LYST: variants seen among roughly 807,000 people sequenced by gnomAD.
The protein encoded by LYST is lysosomal trafficking regulator.
Under a neutral mutation model 413.6 loss-of-function variants are expected in LYST, and 192 were observed. The observed-to-expected ratio is 0.46, with a 90% confidence interval of 0.41 to 0.52. LYST has a LOEUF of 0.52. LYST is among the 20% of genes least tolerant of loss of function. The pLI is 0.00. For synonymous variants in LYST, 1,525 were observed against 1,567.3 expected (o/e 0.97, Z 0.64); for missense variants, 3,815 against 4,499.9 (o/e 0.85, Z 4.35).
At chr1:235,763,923 C>A (rs1002044620) in intron 21 of LYST, among the ~76,000 whole-genome samples, 1 of 152,298 alleles carries the variant, frequency 6.6e-6, no homozygotes, top group Middle Eastern at 3.4e-3. Context: ...CGCTCTCTCT[C>A]GAATGTCAAC....
intron 1 of LYST, among the ~76,000 whole-genome samples, chr1:235,882,401 T>G (rs563569518): frequency 7.2e-4 from 109 of 152,328 alleles, no homozygotes; most frequent in African/African-American, 2.6e-3. Context: ...AGCTTTGGAC[T>G]TTATTCCATA....
At chr1:235,716,095 T>C (rs927772208) in intron 41 of LYST, among the ~76,000 whole-genome samples, 3 of 152,158 alleles carry the variant, frequency 2.0e-5, no homozygotes, top group Non-Finnish European at 4.4e-5. Flanking sequence ...AGTCATAAGA[T>C]GCTTAGAGGG....
intron 1 of LYST, among the ~76,000 whole-genome samples, chr1:235,850,328 G>A (rs915478347): frequency 6.6e-6 from 1 of 152,118 alleles, no homozygotes; most frequent in African/African-American, 2.4e-5. Flanking sequence ...GCCGCATGTA[G>A]GAGAATGAAA....
intron 36 of LYST, among the ~76,000 whole-genome samples, chr1:235,730,360 C>T (rs1238382120): frequency 2.0e-5 from 3 of 151,800 alleles, no homozygotes; most frequent in African/African-American, 7.3e-5. Flanking sequence ...AGGTAACTTG[C>T]CTAAGATTAA....
In LYST at chr1:235,837,213, A is replaced by G. The variant is rs113523686; in HGVS notation, c.-97-3546T>C. 9.6e-3 allele frequency among the ~76,000 whole-genome samples: 1,460 copies of G among 152,334 alleles called. 36 individuals carry two copies. Among genetic ancestry groups the G allele is most frequent in the African/African-American group, 0.032 (1,317 of 41,578 alleles). On this transcript the variant is annotated intron_variant, in intron 1 of 52. Transcript: ENST00000389793. ...AGTCAATGGAGAGGGTAAGTATCCA[A>G]CACAGGAGACTGAGAAGGAACAGCA...
chr1:235,724,117 G>A lies in LYST; in HGVS notation c.9226C>T (p.His3076Tyr), dbSNP rs751947602. The stretch of plus-strand genomic sequence containing the variant: ...TCTCTCAATTGCCACCAACGCTTGT[G>A]AACTTCTTTAATTTCTTCATATGTC... ...SWTYEEIKEV[H>Y]KRWWQLRDNA... Residue 3076 changes from histidine to tyrosine, a missense_variant, in exon 39 of 53, where the codon CAC (histidine) becomes TAC (tyrosine). Physicochemically the swap from His to Tyr is moderately conservative, Grantham distance 83. Coordinates refer to ENST00000389793, the MANE Select transcript of LYST (RefSeq NM_000081.4). The A allele has an allele frequency of 2.5e-6, 4 of 1,613,494 alleles. No individual in the cohort carries two copies. The highest frequency in any genetic ancestry group is 3.4e-6 in the Non-Finnish European group (4 of 1,179,510).
Position 235,810,144 on chromosome 1 carries a change from C to T in LYST, c.674G>A (p.Arg225Lys), listed in dbSNP as rs893617432. The stretch of plus-strand genomic sequence containing the variant: ...TGACCCCTGTCTTGGAATAATCTCT[C>T]TGGAATTTTCCAAAGCCATAGCATC... ...PPDAMALENS[R>K]EIIPRQGSNT... Residue 225 changes from arginine to lysine, a missense_variant, in exon 5 of 53, where the codon AGA (arginine) becomes AAA (lysine). This residue lies in a region of LYST where 1,648 missense variants were observed against 1,810.3 expected (regional missense o/e 0.91). Transcript: ENST00000389793. The T allele has an allele frequency of 6.2e-7, 1 of 1,614,150 alleles. No individual in the cohort carries two copies. The highest frequency in any genetic ancestry group is 1.7e-5 in the Admixed American group (1 of 60,020).
rs1236600542 is a variant in LYST, at chr1:235,806,174, G to A, written c.2962C>T (p.Arg988Ter). Residue 988 changes from arginine (R) to a stop codon, truncating the protein, a stop_gained, in exon 6 of 53, where the codon CGA becomes TGA. Coordinates refer to ENST00000389793, the MANE Select transcript of LYST (RefSeq NM_000081.4). LOFTEE classifies it high-confidence loss of function. The part of the protein sequence containing the change: ...QKQFYRLGGF[R>*]VCHKLIFMII... ...ATAAATATTAACTTATGGCATACTC[G>A]GAAACCACCAAGCCTATAAAACTGT... is the stretch of plus-strand genomic sequence containing the variant. The A allele has an allele frequency of 3.7e-6, 6 of 1,613,606 alleles. No individual in the cohort carries two copies. The highest frequency in any genetic ancestry group is 2.2e-5 in the East Asian group (1 of 44,836).
intron 11 of LYST, among the ~76,000 whole-genome samples, chr1:235,792,522 C>T (rs958625961): frequency 2.6e-5 from 4 of 151,854 alleles, no homozygotes; most frequent in African/African-American, 9.7e-5. Flanking sequence ...ATCATGTTGG[C>T]CAGGCTAGTC....
chr1:235,693,765 CAGTAAT>C (rs969266379), intron 46 of LYST, among the ~76,000 whole-genome samples: 7 of 152,214 alleles, frequency 4.6e-5, no homozygotes, highest in Admixed American at 3.9e-4. Context: ...TTATAAAAGA[CAGTAAT>C]AGTGAAGCTT....
At chr1:235,772,613 T>C (rs1668819124) in intron 19 of LYST, among the ~76,000 whole-genome samples, 1 of 152,188 alleles carries the variant, frequency 6.6e-6, no homozygotes. Context: ...TGCTGAGATG[T>C]AGTGCCTACA....
At chr1:235,737,919 C>CCTTACG in intron 31 of LYST, 40 of 1,160,704 alleles carry the variant, frequency 3.4e-5, no homozygotes, top group Admixed American at 1.8e-4. Context: ...GCCGACGAGT[C>CCTTACG]TGGATCTCAC....
intron 14 of LYST, among the ~76,000 whole-genome samples, chr1:235,784,690 G>T (rs530749082): frequency 6.6e-6 from 1 of 152,292 alleles, no homozygotes; most frequent in African/African-American, 2.4e-5. Flanking sequence ...CAGGTAATCT[G>T]TATAAAGTGC....
At position 235,662,906 on chromosome 1, in the gene LYST, A is replaced by C; in HGVS notation, c.*34T>G. On this transcript the variant is annotated 3_prime_UTR_variant, in exon 53 of 53. Transcript: ENST00000389793. ...AAGTCAACAAATCTAGTTTGGAGTT[A>C]AAGTGCTTTGGAGAACGTGAAGTTC... The C allele has an allele frequency of 8.2e-7, 1 of 1,220,006 alleles. No individual in the cohort carries two copies. 75.6% of individuals were successfully genotyped at this position (1,220,006 alleles called of 1,614,324 possible). A position where few individuals can be genotyped will look rare whatever the true frequency, so the allele number is the denominator to read the frequency against.
chr1:235,718,750 C>T (rs189411800), intron 40 of LYST, among the ~76,000 whole-genome samples: 4 of 152,188 alleles, frequency 2.6e-5, no homozygotes. Context: ...CTCTAAAATA[C>T]AGTTCATTCA....
chr1:235,685,594 C>A (rs1232850181), intron 48 of LYST, among the ~76,000 whole-genome samples: 1 of 152,092 alleles, frequency 6.6e-6, no homozygotes, highest in East Asian at 1.9e-4. Flanking sequence ...CACTTGTAAT[C>A]CCAGCACTTT....
At chr1:235,790,155 T>C (rs1380723506) in intron 12 of LYST, among the ~76,000 whole-genome samples, 1 of 152,216 alleles carries the variant, frequency 6.6e-6, no homozygotes, top group Non-Finnish European at 1.5e-5. Context: ...TATTTACTTT[T>C]CTCAGGTCAC....
intron 19 of LYST, among the ~76,000 whole-genome samples, chr1:235,770,498 G>A (rs1420470292): frequency 1.3e-5 from 2 of 152,112 alleles, no homozygotes; most frequent in Admixed American, 6.5e-5. Flanking sequence ...TAGCTATGTT[G>A]AATACAATAT....
intron 6 of LYST, 55 bp from the exon 7 acceptor site, chr1:235,804,720 T>C: frequency 1.9e-6 from 2 of 1,035,404 alleles, no homozygotes; most frequent in Non-Finnish European, 2.9e-6. Context: ...AAAAACTAAA[T>C]GATGAAAAAA....
Sources: allele counts gnomAD v4.1 joint callset (sites outside exome capture counted in the v4.1 genomes callset), GRCh38; gene constraint gnomAD v4.1.1; regional missense constraint gnomAD v4.1.1; transcripts MANE v1.5; gene names NCBI Gene and HGNC (gene_info 2026-07-23, HGNC 2026-07-21).